The following ZNF638 variants were observed in gnomAD, a reference collection of about 807,000 sequenced individuals.
ZNF638 encodes zinc finger protein 638, also known as CTCL tumor antigen se33-1.
Under a neutral mutation model 195.6 loss-of-function variants are expected in ZNF638, and 46 were observed. That is an observed-to-expected ratio of 0.24 (90% CI 0.19 to 0.30). ZNF638 has a LOEUF of 0.30. ZNF638 is among the 10% of genes least tolerant of loss of function. The probability of loss-of-function intolerance (pLI) is 1.00; values close to 1 mark genes in which losing one functional copy is unlikely to be tolerated. For missense variants in ZNF638, 2,440 were observed against 2,325.3 expected, an observed-to-expected ratio of 1.05 and a Z score of -1.01; for synonymous variants, 845 against 772.0, an observed-to-expected ratio of 1.09 and a Z score of -1.57.
chr2:71,411,327 G>T (rs911490298), intron 20 of ZNF638, among the ~76,000 whole-genome samples: 2 of 150,920 alleles, frequency 1.3e-5, no homozygotes, highest in Non-Finnish European at 3.0e-5. Flanking sequence ...ATTATTTTTT[G>T]ATTTATTTCC....
chr2:71,431,653 G>A (rs958875009), intron 26 of ZNF638, among the ~76,000 whole-genome samples: 1 of 152,002 alleles, frequency 6.6e-6, no homozygotes, highest in South Asian at 2.1e-4. Flanking sequence ...CAAGCTACTC[G>A]GGAGGCTGAG....
chr2:71,427,208 T>C lies in ZNF638; in HGVS notation c.5339T>C (p.Val1780Ala), dbSNP rs1199108974. ...EELNFVTVDE[V>A]GEEEDGDNDL... ...CTTAATTTTGTTACTGTTGATGAAG[T>C]TGGAGAGGAGGAAGATGGAGATAAT... The change falls in exon 24 of 28, where the codon GTT becomes GCT. Residue 1780 changes from valine (V) to alanine (A), a missense_variant. Coordinates refer to ENST00000264447, the MANE Select transcript of ZNF638 (RefSeq NM_014497.5). 6.2e-7 allele frequency: 1 copy of C among 1,612,184 alleles called. No homozygotes were observed. Among genetic ancestry groups the C allele is most frequent in the African/African-American group, 1.3e-5 (1 of 74,662 alleles).
intron 10 of ZNF638, among the ~76,000 whole-genome samples, chr2:71,388,182 T>G (rs1371437450): frequency 6.6e-6 from 1 of 152,152 alleles, no homozygotes; most frequent in Non-Finnish European, 1.5e-5. Flanking sequence ...TTTGCAAAGC[T>G]TCGGGAGAGA....
intron 10 of ZNF638, chr2:71,393,795 T>C: frequency 1.6e-6 from 1 of 616,012 alleles, no homozygotes. Flanking sequence ...CTAATAACGT[T>C]AACTGCTTGG....
At chr2:71,348,053 A>G (rs983687559) in intron 1 of ZNF638, among the ~76,000 whole-genome samples, 13 of 152,142 alleles carry the variant, frequency 8.5e-5, no homozygotes, top group African/African-American at 3.1e-4. Flanking sequence ...ATTGTCATCC[A>G]TATATATTCG....
chr2:71,434,222 A>G (rs1483580644), intron 27 of ZNF638, among the ~76,000 whole-genome samples: 5 of 152,046 alleles, frequency 3.3e-5, no homozygotes. Flanking sequence ...TCTGTTTTTC[A>G]TACATGAGAG....
intron 1 of ZNF638, among the ~76,000 whole-genome samples, chr2:71,347,438 A>G (rs549308839): frequency 3.9e-5 from 6 of 152,326 alleles, no homozygotes; most frequent in Admixed American, 1.3e-4. Context: ...TACTAACATT[A>G]TATATAAATA....
In ZNF638 at chr2:71,423,117, T is replaced by A; in HGVS notation, c.3603T>A (p.Asn1201Lys). 1 of 1,614,124 alleles carries A rather than the reference T, an allele frequency of 6.2e-7. No individual in the cohort carries two copies. The highest frequency in any genetic ancestry group is 8.5e-7 in the Non-Finnish European group (1 of 1,179,992). ...FTENAEECALNQQMFNSDLEK... is the reference protein window; with the variant it reads ...FTENAEECALKQQMFNSDLEK... ...AAAATGCCGAGGAGTGTGCTTTAAATCAGCAGATGTTTAACAGTGACTTGG... is the reference window on the plus strand; with the variant it reads ...AAAATGCCGAGGAGTGTGCTTTAAAACAGCAGATGTTTAACAGTGACTTGG... The change falls in exon 22 of 28, where the codon AAT becomes AAA. Residue 1201 changes from asparagine to lysine, a missense_variant. Physicochemically the swap from Asn to Lys is moderately conservative, Grantham distance 94. Around this residue, in one of 5 missense-constraint regions of ZNF638, gnomAD observed 1,883 missense variants for 1,739.1 expected, o/e 1.08. Transcript: ENST00000264447.
At chr2:71,395,292 C>T (rs1247075092) in intron 10 of ZNF638, 2 of 717,110 alleles carry the variant, frequency 2.8e-6, no homozygotes, top group African/African-American at 3.5e-5. Flanking sequence ...CCTGACAAAC[C>T]TGCTGCTGTG....
At chr2:71,400,220 TA>T in intron 14 of ZNF638, 40 bp downstream of exon 14, 1 of 1,476,174 alleles carries the variant, frequency 6.8e-7, no homozygotes, top group Non-Finnish European at 9.3e-7. Flanking sequence ...TTACTTATTT[TA>T]ATTACCAATG....
chr2:71,430,288 A>AC, intron 25 of ZNF638, among the ~76,000 whole-genome samples: 1 of 152,248 alleles, frequency 6.6e-6, no homozygotes, highest in East Asian at 1.9e-4. Flanking sequence ...AAAGTTTATT[A>AC]CCCTGATGAA....
intron 1 of ZNF638, among the ~76,000 whole-genome samples, chr2:71,335,670 T>C (rs1204177617): frequency 6.6e-6 from 1 of 152,252 alleles, no homozygotes; most frequent in East Asian, 1.9e-4. Flanking sequence ...TCTTGTTTCA[T>C]CTCTACTTGC....
chr2:71,387,819 A>G (rs551373369), intron 10 of ZNF638, among the ~76,000 whole-genome samples: 2 of 152,230 alleles, frequency 1.3e-5, no homozygotes, highest in East Asian at 1.9e-4. Flanking sequence ...ATTTGACTAC[A>G]TAAAATGTAT....
Position 71,427,277 on chromosome 2 carries a change from C to T in ZNF638, c.5408C>T (p.Thr1803Ile), listed in dbSNP as rs375014259. ...GCACAAAGCAAAAATGACCATCCCACAGATAAAAAAGGGAATAGAAAGAAG... is the reference window on the plus strand; with the variant it reads ...GCACAAAGCAAAAATGACCATCCCATAGATAAAAAAGGGAATAGAAAGAAG... ...ELAQSKNDHP[T>I]DKKGNRKKRA... Residue 1803 changes from threonine to isoleucine, a missense_variant, in exon 24 of 28, where the codon ACA becomes ATA. This residue lies in a region of ZNF638 where 1,883 missense variants were observed against 1,739.1 expected (regional missense o/e 1.08). Transcript: ENST00000264447. 28 of 1,613,150 alleles carry T rather than the reference C, an allele frequency of 1.7e-5. No homozygotes were observed. Among genetic ancestry groups the T allele is most frequent in the Admixed American group, 1.3e-4 (8 of 59,858 alleles).
intron 4 of ZNF638, among the ~76,000 whole-genome samples, chr2:71,363,554 CAT>C (rs533389794): frequency 4.7e-4 from 71 of 152,242 alleles, no homozygotes; most frequent in African/African-American, 1.7e-3. Flanking sequence ...AAATCAAAGT[CAT>C]ATTTATAGAT....
intron 13 of ZNF638, 39 bp from the exon 14 acceptor site, chr2:71,400,073 G>A (rs751721240): frequency 2.4e-5 from 36 of 1,477,902 alleles, no homozygotes; most frequent in Middle Eastern, 3.6e-4. Flanking sequence ...AATTATATTA[G>A]TGTTTTACTA....
At chr2:71,408,078 A>AT (rs777325393) in intron 19 of ZNF638, 44 bp from the exon 20 acceptor site, 24 of 1,574,468 alleles carry the variant, frequency 1.5e-5, no homozygotes, top group Non-Finnish European at 2.0e-5. Context: ...TCTAATTCCA[A>AT]TTTTTTTAAA....
intron 21 of ZNF638, among the ~76,000 whole-genome samples, chr2:71,419,417 A>G (rs1232627088): frequency 6.6e-6 from 1 of 152,222 alleles, no homozygotes; most frequent in Non-Finnish European, 1.5e-5. Flanking sequence ...TTAAATATGT[A>G]AAGTGTTTAT....
At chr2:71,339,156 T>TG (rs2078721100) in intron 1 of ZNF638, among the ~76,000 whole-genome samples, 1 of 136,412 alleles carries the variant, frequency 7.3e-6, no homozygotes, top group Admixed American at 6.9e-5. Flanking sequence ...TTAGGTTTTT[T>TG]TTTTTTTTTT....
Sources: allele counts gnomAD v4.1 joint callset (sites outside exome capture counted in the v4.1 genomes callset), GRCh38; gene constraint gnomAD v4.1.1; regional missense constraint gnomAD v4.1.1; transcripts MANE v1.5; gene names NCBI Gene and HGNC (gene_info 2026-07-23, HGNC 2026-07-21).